PPEF2: variants seen among roughly 807,000 people sequenced by gnomAD.
PPEF2 encodes serine/threonine-protein phosphatase with EF-hands 2.
A neutral mutation model predicts 84.7 loss-of-function variants in PPEF2; 84 were observed. The observed-to-expected ratio is 0.99, with a 90% CI of 0.83 to 1.19. The LOEUF is 1.19. Ranked by LOEUF, PPEF2 falls within the 50% of genes most tolerant of loss-of-function variation. PPEF2 has a pLI of 0.00. For synonymous variants in PPEF2, 346 were observed against 345.2 expected (o/e 1.00, Z -0.03); for missense variants, 924 against 937.5 (o/e 0.99, Z 0.19).
chr4:75,872,289 C>T (rs950140862), intron 12 of PPEF2, 122 bp from the exon 13 acceptor site: 1 of 935,778 alleles, frequency 1.1e-6, no homozygotes. Context: ...TCTGGGAATC[C>T]TTTTCTTTCT....
chr4:75,897,345 G>T (rs1314193977), intron 1 of PPEF2, among the ~76,000 whole-genome samples: 1 of 152,098 alleles, frequency 6.6e-6, no homozygotes, highest in Non-Finnish European at 1.5e-5. Context: ...TATGCTCCCT[G>T]GCTGGTTTAA....
At chr4:75,861,045 T>C (rs543639098) in intron 16 of PPEF2, 125 bp from the exon 17 acceptor site, 1 of 1,131,896 alleles carries the variant, frequency 8.8e-7, no homozygotes, top group South Asian at 1.5e-5. Context: ...TCCTAGTATC[T>C]AATTTAAACT....
Position 75,888,326 on chromosome 4 carries a change from C to T in PPEF2, c.420G>A (p.Gln140=). The change falls in exon 6 of 17, where the codon CAG becomes CAA. Residue 140 remains glutamine, a splice_region_variant and synonymous_variant. Transcript: ENST00000286719. ...GGTTCAAGACGTAGCGAGCATGGAG[C>T]TGCTACTGGGAGGAAGAGGAGGGAA... The part of the protein sequence containing the change: ...ALVEAFRLKQ[Q]LHARYVLNLL... 6.2e-7 allele frequency: 1 copy of T among 1,608,330 alleles called. No individual in the cohort carries two copies.
At chr4:75,887,396 C>T (rs1430558964) in intron 6 of PPEF2, among the ~76,000 whole-genome samples, 1 of 151,902 alleles carries the variant, frequency 6.6e-6, no homozygotes, top group Non-Finnish European at 1.5e-5. Context: ...CTGAGACGGG[C>T]GGATCACGAG....
chr4:75,878,445 A>G (rs1724485225), intron 10 of PPEF2, among the ~76,000 whole-genome samples: 1 of 152,220 alleles, frequency 6.6e-6, no homozygotes, highest in Non-Finnish European at 1.5e-5. Context: ...CACATAATCA[A>G]AGAACGAGAA....
At chr4:75,870,231 A>G (rs1313809414) in intron 13 of PPEF2, among the ~76,000 whole-genome samples, 1 of 152,128 alleles carries the variant, frequency 6.6e-6, no homozygotes, top group Non-Finnish European at 1.5e-5. Flanking sequence ...CACTCCAGGT[A>G]CCAGGGCTCA....
intron 13 of PPEF2, among the ~76,000 whole-genome samples, chr4:75,870,967 A>G (rs1038324868): frequency 2.2e-5 from 3 of 136,762 alleles, no homozygotes; most frequent in African/African-American, 8.3e-5. Flanking sequence ...CCCAGGCTGG[A>G]GTGCAGTGGT....
intron 15 of PPEF2, among the ~76,000 whole-genome samples, chr4:75,865,520 G>A (rs900174118): frequency 4.0e-5 from 6 of 151,816 alleles, no homozygotes; most frequent in Non-Finnish European, 1.5e-5. Flanking sequence ...CCAATAGCTG[G>A]GTCTACAGGC....
Position 75,864,540 on chromosome 4 carries a change from A to G in PPEF2, c.1921-13T>C, listed in dbSNP as rs1464358614. The stretch of plus-strand genomic sequence containing the variant: ...TTGATTGTATGTTCTGCAAGAAAAA[A>G]TTCATTTTCCTTCTTTGTCATACGT... On this transcript the variant is annotated splice_polypyrimidine_tract_variant and intron_variant, in intron 15 of 16. Transcript: ENST00000286719. 6.3e-6 allele frequency: 10 copies of G among 1,592,312 alleles called. No individual in the cohort carries two copies. In the South Asian group the frequency reaches 1.1e-4, roughly 18 times the overall value.
chr4:75,866,814 A>C (rs1724143134), intron 14 of PPEF2, among the ~76,000 whole-genome samples: 3 of 152,254 alleles, frequency 2.0e-5, no homozygotes, highest in African/African-American at 7.2e-5. Flanking sequence ...GGAAGGCTAC[A>C]GTATGTGTAC....
At position 75,864,457 on chromosome 4, in the gene PPEF2, A is replaced by G. The variant is rs779899803; in HGVS notation, c.1991T>C (p.Ile664Thr). Reference protein sequence around the residue: ...RSNLETIFRIIDSDHSGFISL... With the variant: ...RSNLETIFRITDSDHSGFISL... ...GCCTTTACCTGAATGATCACTGTCT[A>G]TGATCCTAAAAATGGTCTCTAGGTT... is the stretch of plus-strand genomic sequence containing the variant. Residue 664 changes from isoleucine (I) to threonine (T), a missense_variant, in exon 16 of 17, where the codon ATA (isoleucine) becomes ACA (threonine). Ile to Thr is a moderately conservative substitution (Grantham distance 89). Coordinates refer to ENST00000286719, the MANE Select transcript of PPEF2 (RefSeq NM_006239.3). 2 of 1,606,856 alleles carry G rather than the reference A, an allele frequency of 1.2e-6. No homozygotes were observed. Among genetic ancestry groups the G allele is most frequent in the South Asian group, 2.2e-5 (2 of 90,898 alleles).
chr4:75,899,598 T>C (rs1725077177), intron 1 of PPEF2, among the ~76,000 whole-genome samples: 1 of 152,200 alleles, frequency 6.6e-6, no homozygotes, highest in Non-Finnish European at 1.5e-5. Flanking sequence ...TTGTTGTCTT[T>C]TTCTCTGAAA....
rs564684812 is a variant in PPEF2, at chr4:75,863,087, G to C, written c.2008+1353C>G. ...CCATTTATATCAAATGTCCAGAACAGGCAAATCCATAGAGACAGAAAGTAG... is the reference window on the plus strand; with the variant it reads ...CCATTTATATCAAATGTCCAGAACACGCAAATCCATAGAGACAGAAAGTAG... On this transcript the variant is annotated intron_variant, in intron 16 of 16. Coordinates refer to ENST00000286719, the MANE Select transcript of PPEF2 (RefSeq NM_006239.3). Among the ~76,000 whole-genome samples the C allele has an allele frequency of 9.4e-4, 143 of 152,286 alleles. 1 individual carries two copies. Among genetic ancestry groups the C allele is most frequent in the African/African-American group, 3.4e-3 (140 of 41,550 alleles).
At chr4:75,884,485 T>G (rs969321553) in intron 8 of PPEF2, 109 bp downstream of exon 8, 2 of 1,310,598 alleles carry the variant, frequency 1.5e-6, no homozygotes, top group Admixed American at 5.0e-5. Context: ...TTTAAAAAAA[T>G]TGGAAAACTA....
chr4:75,871,423 A>C (rs917080477), intron 13 of PPEF2, among the ~76,000 whole-genome samples: 2 of 152,170 alleles, frequency 1.3e-5, no homozygotes, highest in East Asian at 3.8e-4. Flanking sequence ...TTTAGTAAGC[A>C]GACTTTACCC....
At position 75,873,153 on chromosome 4, in the gene PPEF2, C is replaced by T. The variant is rs1421222542; in HGVS notation, c.1480G>A (p.Gly494Ser). The change falls in exon 12 of 17, where the codon GGC becomes AGC. Residue 494 changes from glycine to serine, a missense_variant. Gly to Ser is a moderately conservative substitution (Grantham distance 56). Transcript: ENST00000286719. The stretch of plus-strand genomic sequence containing the variant: ...TTGCGGTTGTGACAGAATTCATAGC[C>T]TTCAGGTTTGCATTCATGTGAACGG... ...LIRSHECKPE[G>S]YEFCHNRKVL... 6.2e-6 allele frequency: 10 copies of T among 1,613,986 alleles called. No homozygotes were observed. The highest frequency in any genetic ancestry group is 8.5e-6 in the Non-Finnish European group (10 of 1,179,976).
intron 13 of PPEF2, among the ~76,000 whole-genome samples, chr4:75,871,358 C>G (rs1000144067): frequency 6.6e-6 from 1 of 152,128 alleles, no homozygotes; most frequent in Non-Finnish European, 1.5e-5. Flanking sequence ...AGGGGTAACA[C>G]AAACCCGTTA....
chr4:75,863,499 CAAAAA>C (rs71210218), intron 16 of PPEF2, among the ~76,000 whole-genome samples: 6 of 113,766 alleles, frequency 5.3e-5, no homozygotes, highest in African/African-American at 6.4e-5. Context: ...GACTCCGTCT[CAAAAA>C]AAAAAAAAAA....
chr4:75,872,290 TTTTCTTTC>T (rs772466896), intron 12 of PPEF2, 123 bp from the exon 13 acceptor site: 158 of 915,372 alleles, frequency 1.7e-4, no homozygotes, highest in Non-Finnish European at 2.2e-4. Flanking sequence ...CTGGGAATCC[TTTTCTTTC>T]TTTCTTTCTT....
Sources: gnomAD v4.1 joint callset for allele counts (sites outside exome capture counted in the v4.1 genomes callset) on GRCh38, gnomAD v4.1.1 for gene constraint, MANE v1.5 for transcripts, NCBI Gene and HGNC (gene_info 2026-07-23, HGNC 2026-07-21) for gene names.